The following BABAM2 variants were observed in gnomAD, a reference collection of about 807,000 sequenced individuals.
BABAM2 encodes BRISC and BRCA1-A complex member 2.
BABAM2 carries 31 observed loss-of-function variants against 54.7 expected under a neutral mutation model. The observed-to-expected ratio is 0.57, with a 90% confidence interval of 0.43 to 0.77. The LOEUF is 0.77. BABAM2 is among the 30% of genes least tolerant of loss of function. The probability of loss-of-function intolerance (pLI) is 0.00; values close to 1 mark genes in which losing one functional copy is unlikely to be tolerated. For missense variants in BABAM2, 364 were observed against 455.8 expected (o/e 0.80, Z 1.83); for synonymous variants, 167 against 162.9 (o/e 1.03, Z -0.19).
Position 28,025,440 on chromosome 2 carries a change from G to A in BABAM2, c.495+20G>A. 1 of 1,541,436 alleles carries A rather than the reference G, an allele frequency of 6.5e-7. No individual in the cohort carries two copies. Among genetic ancestry groups the A allele is most frequent in the Non-Finnish European group, 8.7e-7 (1 of 1,149,734 alleles). ...AACTGGGTAAGGATTTTTGAGAATGGAAAAAAAGATGACTTCATCCATAAT... is the reference window on the plus strand; with the variant it reads ...AACTGGGTAAGGATTTTTGAGAATGAAAAAAAAGATGACTTCATCCATAAT... On this transcript the variant is annotated intron_variant, in intron 5 of 11. Transcript: ENST00000379624.
intron 4 of BABAM2, among the ~76,000 whole-genome samples, chr2:28,006,191 G>A (rs1345489703): frequency 2.0e-5 from 3 of 151,874 alleles, no homozygotes; most frequent in African/African-American, 7.3e-5. Context: ...TTGTATCTCT[G>A]TGGTATAGTT....
chr2:28,143,584 G>A (rs1017321785), intron 7 of BABAM2, among the ~76,000 whole-genome samples: 1 of 152,064 alleles, frequency 6.6e-6, no homozygotes, highest in East Asian at 1.9e-4. Context: ...CTATGTGTAT[G>A]TATATCAAAA....
chr2:27,978,219 G>T (rs1207042148), intron 3 of BABAM2, among the ~76,000 whole-genome samples: 1 of 152,116 alleles, frequency 6.6e-6, no homozygotes, highest in African/African-American at 2.4e-5. Context: ...AGATCTGGTT[G>T]TTTAAAAGAG....
chr2:28,326,975 A>G (rs1330505392), intron 11 of BABAM2, among the ~76,000 whole-genome samples: 1 of 152,164 alleles, frequency 6.6e-6, no homozygotes, highest in African/African-American at 2.4e-5. Flanking sequence ...AAGTAAGCCA[A>G]ATGCTTGCAT....
chr2:27,980,069 C>T (rs898032), intron 3 of BABAM2, among the ~76,000 whole-genome samples: 2 of 151,990 alleles, frequency 1.3e-5, no homozygotes, highest in African/African-American at 4.8e-5. Flanking sequence ...GAACTTCTGC[C>T]CCCATTGCTC....
At chr2:28,006,471 G>C (rs944772352) in intron 4 of BABAM2, among the ~76,000 whole-genome samples, 11 of 151,998 alleles carry the variant, frequency 7.2e-5, no homozygotes, top group African/African-American at 2.7e-4. Context: ...AGTGACATTA[G>C]TTTTAGCAAA....
intron 3 of BABAM2, among the ~76,000 whole-genome samples, chr2:27,949,371 A>T (rs1669535999): frequency 6.6e-6 from 1 of 152,078 alleles, no homozygotes; most frequent in Non-Finnish European, 1.5e-5. Flanking sequence ...TGTCTCTACT[A>T]AAAATACAAA....
At chr2:28,199,118 A>G (rs1195942149) in intron 7 of BABAM2, among the ~76,000 whole-genome samples, 2 of 152,170 alleles carry the variant, frequency 1.3e-5, no homozygotes, top group African/African-American at 2.4e-5. Context: ...ATTCCTTTTT[A>G]TAATGCAGTG....
At chr2:27,891,888 T>C (rs1664884523) in intron 1 of BABAM2, among the ~76,000 whole-genome samples, 1 of 152,190 alleles carries the variant, frequency 6.6e-6, no homozygotes, top group African/African-American at 2.4e-5. Context: ...TAGTATGGTT[T>C]GGCTTCTAGA....
chr2:28,175,460 A>G (rs982462196), intron 7 of BABAM2, among the ~76,000 whole-genome samples: 2 of 152,028 alleles, frequency 1.3e-5, no homozygotes, highest in African/African-American at 4.8e-5. Context: ...TGTCTTCGGG[A>G]TTATCCCACC....
At chr2:28,289,983 T>C (rs1450504710) in intron 10 of BABAM2, among the ~76,000 whole-genome samples, 5 of 152,160 alleles carry the variant, frequency 3.3e-5, no homozygotes, top group Admixed American at 3.3e-4. Flanking sequence ...CTTAATTTGG[T>C]GTATATCTTT....
intron 6 of BABAM2, among the ~76,000 whole-genome samples, chr2:28,112,132 T>TA (rs1465958731): frequency 6.1e-5 from 1 of 16,324 alleles, no homozygotes; most frequent in African/African-American, 2.7e-4. Flanking sequence ...TTTCTTTCTT[T>TA]CTTTCTTTCT....
chr2:28,091,669 T>A (rs1296233777), intron 6 of BABAM2, among the ~76,000 whole-genome samples: 1 of 152,154 alleles, frequency 6.6e-6, no homozygotes, highest in Non-Finnish European at 1.5e-5. Flanking sequence ...ACTATAAAGA[T>A]ATAAAAGGTA....
At chr2:27,931,359 AC>A (rs1211977584) in intron 3 of BABAM2, among the ~76,000 whole-genome samples, 2 of 152,202 alleles carry the variant, frequency 1.3e-5, no homozygotes, top group African/African-American at 4.8e-5. Context: ...TGAGAGAATC[AC>A]TTGCAGATTC....
At chr2:28,026,865 T>TATATATTTATATATATAGATATATATAA in intron 5 of BABAM2, among the ~76,000 whole-genome samples, 2 of 49,580 alleles carry the variant, frequency 4.0e-5, no homozygotes, top group South Asian at 1.0e-3. Context: ...TATATATAGA[T>TATATATTTATATATATAGATATATATAA]ATATATATTT....
chr2:28,021,575 T>C (rs1223818135), intron 4 of BABAM2, among the ~76,000 whole-genome samples: 3 of 152,236 alleles, frequency 2.0e-5, no homozygotes, highest in African/African-American at 7.2e-5. Context: ...TCCTTAACAC[T>C]AATGGGCTTG....
chr2:27,898,819 T>G (rs1558570405), intron 2 of BABAM2, among the ~76,000 whole-genome samples: 1 of 152,168 alleles, frequency 6.6e-6, no homozygotes, highest in African/African-American at 2.4e-5. Flanking sequence ...GAGGGATTTC[T>G]TTTTGGAGTA....
At chr2:28,052,127 G>A (rs1459477093) in intron 6 of BABAM2, among the ~76,000 whole-genome samples, 1 of 152,160 alleles carries the variant, frequency 6.6e-6, no homozygotes, top group African/African-American at 2.4e-5. Context: ...ATGAGGATAT[G>A]AATGATTAGA....
At chr2:28,200,362 A>T (rs1281417218) in intron 7 of BABAM2, among the ~76,000 whole-genome samples, 2 of 152,188 alleles carry the variant, frequency 1.3e-5, no homozygotes, top group Non-Finnish European at 2.9e-5. Flanking sequence ...ACAAAAGCTA[A>T]TTTGTTAGAG....
Sources: gnomAD v4.1 joint callset for allele counts (sites outside exome capture counted in the v4.1 genomes callset) on GRCh38, gnomAD v4.1.1 for gene constraint, MANE v1.5 for transcripts, NCBI Gene and HGNC (gene_info 2026-07-23, HGNC 2026-07-21) for gene names.